Variants in SPRED2 observed in about 807,000 individuals in gnomAD.
The protein encoded by SPRED2 is sprouty-related, EVH1 domain-containing protein 2.
In SPRED2, 47 loss-of-function variants were observed where a neutral mutation model predicts 43.0. That is an observed-to-expected ratio of 1.09 (90% CI 0.87 to 1.40). The LOEUF is 1.40. Ranked by LOEUF, SPRED2 falls within the 40% of genes most tolerant of loss-of-function variation. SPRED2 has a pLI of 0.00. For synonymous variants in SPRED2, 225 were observed against 225.7 expected, an observed-to-expected ratio of 1.00 and a Z score of 0.03; for missense variants, 561 against 586.4, an observed-to-expected ratio of 0.96 and a Z score of 0.45.
downstream of SPRED2, chr2:65,310,777 G>T: frequency 1.3e-6 from 1 of 752,328 alleles, no homozygotes; most frequent in Non-Finnish European, 1.6e-6. Flanking sequence ...CATCCTGTAT[G>T]CGGGAACTCC....
chr2:65,403,379 T>A (rs967727205), intron 1 of SPRED2, among the ~76,000 whole-genome samples: 2 of 152,188 alleles, frequency 1.3e-5, no homozygotes, highest in South Asian at 2.1e-4. Context: ...GCTCAAGTGA[T>A]CCTCCTGCCT....
At chr2:65,373,183 T>C (rs2104343911) in intron 1 of SPRED2, among the ~76,000 whole-genome samples, 1 of 152,344 alleles carries the variant, frequency 6.6e-6, no homozygotes, top group South Asian at 2.1e-4. Flanking sequence ...TGCCACTAGT[T>C]ATACAACCTG....
At chr2:65,338,741 G>A (rs1247048562) in intron 2 of SPRED2, among the ~76,000 whole-genome samples, 2 of 150,844 alleles carry the variant, frequency 1.3e-5, no homozygotes, top group African/African-American at 2.4e-5. Context: ...AGTGAGGAGC[G>A]TCTCTGCCTG....
chr2:65,365,233 C>T (rs1674939758), intron 1 of SPRED2, among the ~76,000 whole-genome samples: 1 of 152,186 alleles, frequency 6.6e-6, no homozygotes, highest in Non-Finnish European at 1.5e-5. Context: ...TACAGCATAA[C>T]AGGTGGCTTT....
At chr2:65,364,937 T>C (rs1674930967) in intron 1 of SPRED2, among the ~76,000 whole-genome samples, 1 of 152,208 alleles carries the variant, frequency 6.6e-6, no homozygotes, top group Non-Finnish European at 1.5e-5. Context: ...AAAAACCCCG[T>C]TTACTATAAG....
chr2:65,358,531 G>A (rs952479808), intron 1 of SPRED2, among the ~76,000 whole-genome samples: 7 of 152,194 alleles, frequency 4.6e-5, no homozygotes, highest in African/African-American at 1.7e-4. Flanking sequence ...GTGAAAAGGA[G>A]AAAATGTTAG....
At chr2:65,404,528 A>G (rs931877660) in intron 1 of SPRED2, among the ~76,000 whole-genome samples, 21 of 152,238 alleles carry the variant, frequency 1.4e-4, no homozygotes, top group African/African-American at 5.1e-4. Flanking sequence ...AATTTAATGC[A>G]GATATTCATT....
chr2:65,422,104 ACTCTCTCTCTCTCTCT>A (rs71398633), intron 1 of SPRED2, among the ~76,000 whole-genome samples: 1 of 128,938 alleles, frequency 7.8e-6, no homozygotes, highest in South Asian at 2.8e-4. Flanking sequence ...ACACACACAC[ACTCTCTCTCTCTCTCT>A]CTCTCTCTCT....
chr2:65,418,943 C>T (rs1055805546), intron 1 of SPRED2, among the ~76,000 whole-genome samples: 1 of 151,930 alleles, frequency 6.6e-6, no homozygotes, highest in Non-Finnish European at 1.5e-5. Context: ...AATATAAATT[C>T]TGCTTGCAAT....
chr2:65,356,041 G>C (rs764366475), intron 1 of SPRED2, among the ~76,000 whole-genome samples: 1 of 152,186 alleles, frequency 6.6e-6, no homozygotes, highest in Non-Finnish European at 1.5e-5. Context: ...GCAAAGAGGA[G>C]TTGTTTAAAG....
In SPRED2 at chr2:65,313,735, G is replaced by A; in HGVS notation, c.1023C>T (p.Ser341=). Residue 341 remains serine, a synonymous_variant, in exon 6 of 6, where the codon AGC becomes AGT. Transcript: ENST00000356388. ...GCATGCTGTCCGCGCACCACATGCA[G>A]CTCACCCGGCGGATGCAAGTTCTCA... The part of the protein sequence containing the change: ...DSVRTCIRRV[S]CMWCADSMLY... 1 of 1,614,208 alleles carries A rather than the reference G, an allele frequency of 6.2e-7. No individual in the cohort carries two copies. Among genetic ancestry groups the A allele is most frequent in the Non-Finnish European group, 8.5e-7 (1 of 1,180,038 alleles).
At chr2:65,407,795 G>C (rs1438015005) in intron 1 of SPRED2, among the ~76,000 whole-genome samples, 2 of 152,210 alleles carry the variant, frequency 1.3e-5, no homozygotes, top group Non-Finnish European at 2.9e-5. Context: ...ACTCCAACTG[G>C]AGGACAGTTC....
At chr2:65,336,123 G>C (rs1470791748) in intron 2 of SPRED2, among the ~76,000 whole-genome samples, 1 of 152,216 alleles carries the variant, frequency 6.6e-6, no homozygotes, top group Non-Finnish European at 1.5e-5. Context: ...TGGGGGCTGA[G>C]GCAAGAGGAT....
At chr2:65,344,512 G>A (rs554857661) in intron 2 of SPRED2, 32 of 713,156 alleles carry the variant, frequency 4.5e-5, no homozygotes, top group Non-Finnish European at 8.0e-5. Context: ...CTCGGATAAA[G>A]CGTGTGGTCA....
intron 1 of SPRED2, among the ~76,000 whole-genome samples, chr2:65,412,322 G>C (rs1676181099): frequency 6.6e-6 from 1 of 152,120 alleles, no homozygotes; most frequent in Non-Finnish European, 1.5e-5. Context: ...GCAGACACTG[G>C]AGTACTGACT....
In SPRED2 at chr2:65,344,881, C is replaced by T. The variant is rs376070494; in HGVS notation, c.42G>A (p.Val14=). The change falls in exon 2 of 6, where the codon GTG becomes GTA. Residue 14 remains valine, a synonymous_variant. Coordinates refer to ENST00000356388, the MANE Select transcript of SPRED2 (RefSeq NM_181784.3). ...ETHPDDDSYI[V]RVKAVVMTRD... ...TGGTCATAACCACAGCCTTGACACGCACAATATAGCTGTCACTAAAACGAC... is the reference window on the plus strand; with the variant it reads ...TGGTCATAACCACAGCCTTGACACGTACAATATAGCTGTCACTAAAACGAC... 12 of 1,613,958 alleles carry T rather than the reference C, an allele frequency of 7.4e-6. No individual in the cohort carries two copies. The highest frequency in any genetic ancestry group is 1.0e-5 in the Non-Finnish European group (12 of 1,180,024).
intron 1 of SPRED2, among the ~76,000 whole-genome samples, chr2:65,356,536 C>CTTTTTTTTTTTTTTT (rs1274369940): frequency 1.3e-4 from 8 of 60,572 alleles, no homozygotes; most frequent in Admixed American, 2.4e-4. Context: ...CCAGTTCCCT[C>CTTTTTTTTTTTTTTT]TTTTTTTTTT....
chr2:65,363,634 G>A (rs569201238), intron 1 of SPRED2, among the ~76,000 whole-genome samples: 2 of 152,310 alleles, frequency 1.3e-5, no homozygotes, highest in East Asian at 1.9e-4. Flanking sequence ...ATGGACAGCA[G>A]GCGATAGACA....
chr2:65,405,633 G>C (rs1049847110), intron 1 of SPRED2, among the ~76,000 whole-genome samples: 1 of 152,154 alleles, frequency 6.6e-6, no homozygotes, highest in Non-Finnish European at 1.5e-5. Context: ...CAGCACCATG[G>C]GGCTCCTGAG....
Sources: gnomAD v4.1 joint callset for allele counts (sites outside exome capture counted in the v4.1 genomes callset) on GRCh38, gnomAD v4.1.1 for gene constraint, MANE v1.5 for transcripts, NCBI Gene and HGNC (gene_info 2026-07-23, HGNC 2026-07-21) for gene names.